Variants in KIR2DL1 observed in about 807,000 individuals in gnomAD.
KIR2DL1 encodes the protein killer cell immunoglobulin like receptor, two Ig domains and long cytoplasmic tail 1.
Under a neutral mutation model 33.9 loss-of-function variants are expected in KIR2DL1, and 38 were observed. That is an observed-to-expected ratio of 1.12 (90% CI 0.86 to 1.47). KIR2DL1 has a LOEUF of 1.47. KIR2DL1 is among the 40% of genes most tolerant of loss of function. The pLI is 0.00. For missense variants in KIR2DL1, 531 were observed against 433.9 expected (o/e 1.22, Z -1.99); for synonymous variants, 179 against 165.9 (o/e 1.08, Z -0.61).
rs535824720 is a variant in KIR2DL1 at position 54,772,168 on chromosome 19, G to T, written c.71-1165G>T. ...GTTGTTGATGAGTTGACCTTGAGATGGGGAGACAGCCTGGACTGTCCTGAT... is the reference window on the plus strand; with the variant it reads ...GTTGTTGATGAGTTGACCTTGAGATTGGGAGACAGCCTGGACTGTCCTGAT... On this transcript the variant is annotated intron_variant, in intron 2 of 7. Coordinates refer to ENST00000336077, the MANE Select transcript of KIR2DL1 (RefSeq NM_014218.3). 3.5e-4 allele frequency among the ~76,000 whole-genome samples: 49 copies of T among 141,106 alleles called. 3 individuals carry two copies. Among genetic ancestry groups the T allele is most frequent in the African/African-American group, 1.1e-3 (41 of 38,518 alleles). 92.6% of individuals were successfully genotyped at this position (141,106 alleles called of 152,430 possible).
intron 4 of KIR2DL1, 124 bp from the exon 5 acceptor site, chr19:54,778,488 C>A: frequency 2.0e-6 from 2 of 983,976 alleles, no homozygotes; most frequent in Non-Finnish European, 3.0e-6. Context: ...AAAAAAGGAT[C>A]CCAGGACTCC....
chr19:54,783,444 A>C, intron 6 of KIR2DL1, 42 bp from the exon 7 acceptor site: 1 of 1,601,176 alleles, frequency 6.2e-7, no homozygotes, highest in South Asian at 1.1e-5. Context: ...GAGGACCCAG[A>C]AGTGCCCTCC....
In KIR2DL1 at chr19:54,773,574, T is replaced by C; in HGVS notation, c.312T>C (p.Val104=). The C allele has an allele frequency of 1.3e-6, 2 of 1,581,198 alleles. No homozygotes were observed. The highest frequency in any genetic ancestry group is 2.2e-5 in the South Asian group (2 of 90,192). Residue 104 remains valine (V), a synonymous_variant, in exon 3 of 8, where the codon GTT becomes GTC. Transcript: ENST00000336077. The part of the protein sequence containing the change: ...LAGTYRCYGS[V]THSPYQVSAP... ...GGACCTACAGATGCTACGGTTCTGT[T>C]ACTCACTCCCCCTATCAGGTGTCAG...
chr19:54,773,283 A>G (rs1427233686), intron 2 of KIR2DL1, 50 bp from the exon 3 acceptor site: 2 of 1,528,280 alleles, frequency 1.3e-6, no homozygotes, highest in East Asian at 2.3e-5. Flanking sequence ...GGTGCCATGG[A>G]TGGGATGATA....
intron 5 of KIR2DL1, among the ~76,000 whole-genome samples, chr19:54,779,872 G>A (rs1292152847): frequency 7.3e-6 from 1 of 136,464 alleles, no homozygotes; most frequent in African/African-American, 2.8e-5. Context: ...CCATTGGGAA[G>A]CATCTGTGCA....
chr19:54,778,346 T>G (rs1270004501), intron 4 of KIR2DL1, among the ~76,000 whole-genome samples: 1 of 149,422 alleles, frequency 6.7e-6, no homozygotes, highest in Admixed American at 6.8e-5. Context: ...GTGCCTTTCT[T>G]TATGCCAATG....
intron 5 of KIR2DL1, among the ~76,000 whole-genome samples, chr19:54,781,586 C>T (rs1339996730): frequency 2.6e-5 from 4 of 151,296 alleles, no homozygotes; most frequent in Non-Finnish European, 5.9e-5. Flanking sequence ...CTCCTGCTCC[C>T]CTTTCCTACT....
Position 54,775,205 on chromosome 19 carries a change from C to T in KIR2DL1, c.411C>T (p.Pro137=), listed in dbSNP as rs1206109674. 2.5e-6 allele frequency: 4 copies of T among 1,597,654 alleles called. No homozygotes were observed. The Admixed American group carries it at 5.1e-5, about 20-fold the overall frequency. The change falls in exon 4 of 8, where the codon CCC becomes CCT. Residue 137 remains proline, a synonymous_variant. Coordinates refer to ENST00000336077, the MANE Select transcript of KIR2DL1 (RefSeq NM_014218.3). ...EKPSLSAQLG[P]TVLAGENVTL... ...CTTCTCTCTCAGCCCAGCTGGGCCCCACGGTTCTGGCAGGAGAGAATGTGA... is the reference window on the plus strand; with the variant it reads ...CTTCTCTCTCAGCCCAGCTGGGCCCTACGGTTCTGGCAGGAGAGAATGTGA...
chr19:54,776,436 G>A (rs1375636035), intron 4 of KIR2DL1, among the ~76,000 whole-genome samples: 1 of 145,908 alleles, frequency 6.9e-6, no homozygotes, highest in Non-Finnish European at 1.5e-5. Flanking sequence ...CTATGGATGA[G>A]TAGTCTCCAC....
intron 4 of KIR2DL1, among the ~76,000 whole-genome samples, chr19:54,776,634 CT>C (rs113294942): frequency 0.16 from 19,007 of 119,760 alleles, 179 homozygotes; most frequent in South Asian, 0.24. Context: ...TGAAAGTTCT[CT>C]TTTTTTTTTT....
At chr19:54,782,408 C>G (rs377276095) in intron 5 of KIR2DL1, among the ~76,000 whole-genome samples, 1 of 141,856 alleles carries the variant, frequency 7.0e-6, no homozygotes, top group African/African-American at 2.5e-5. Context: ...ATCTATTTCT[C>G]GTGACGGCCT....
rs1262595276 is a variant in KIR2DL1 at position 54,778,549 on chromosome 19, A to C, written c.665-63A>C. The stretch of plus-strand genomic sequence containing the variant: ...TGTTGGCCATGAACCATCCTCAAAG[A>C]TTTCCACTGAGTGGAGGACAGACAC... On this transcript the variant is annotated intron_variant, in intron 4 of 7. Coordinates refer to ENST00000336077, the MANE Select transcript of KIR2DL1 (RefSeq NM_014218.3). The C allele has an allele frequency of 4.2e-6, 6 of 1,431,466 alleles. 1 individual carries two copies. The Admixed American group carries it at 5.3e-5, about 13-fold the overall frequency. 88.7% of individuals were successfully genotyped at this position (1,431,466 alleles called of 1,614,324 possible).
Position 54,783,719 on chromosome 19 carries a change from C to T in KIR2DL1, c.953C>T (p.Pro318Leu), listed in dbSNP as rs1451733782. The change falls in exon 8 of 8, where the codon CCT becomes CTT. Residue 318 changes from proline to leucine, a missense_variant. Transcript: ENST00000336077. ...TTCACACAGAGAAAAATCACTCGCC[C>T]TTCTCAGAGGCCCAAGACACCCCCA... is the stretch of plus-strand genomic sequence containing the variant. ...CVFTQRKITR[P>L]SQRPKTPPTD... 1 of 1,613,910 alleles carries T rather than the reference C, an allele frequency of 6.2e-7. No homozygotes were observed. The highest frequency in any genetic ancestry group is 2.2e-5 in the East Asian group (1 of 44,892).
chr19:54,769,910 A>C, intron 1 of KIR2DL1, 26 bp downstream of exon 1: 1 of 1,557,350 alleles, frequency 6.4e-7, no homozygotes, highest in Non-Finnish European at 8.8e-7. Context: ...CAATAGAGGG[A>C]GGGAGTGAGG....
In KIR2DL1 at chr19:54,783,982, A is replaced by T; in HGVS notation, c.*169A>T. On this transcript the variant is annotated 3_prime_UTR_variant, in exon 8 of 8. Coordinates refer to ENST00000336077, the MANE Select transcript of KIR2DL1 (RefSeq NM_014218.3). ...ATCTGAATGTGCCTCTCTCTTGCTT[A>T]CAAATGTCTAAGGTCCCCACTGCCT... 1 of 1,067,842 alleles carries T rather than the reference A, an allele frequency of 9.4e-7. No homozygotes were observed. The highest frequency in any genetic ancestry group is 2.4e-5 in the East Asian group (1 of 42,370). 66.1% of individuals were successfully genotyped at this position (1,067,842 alleles called of 1,614,324 possible). A position where few individuals can be genotyped will look rare whatever the true frequency, so the allele number is the denominator to read the frequency against.
Position 54,773,393 on chromosome 19 carries a change from C to G in KIR2DL1, c.131C>G (p.Thr44Arg), listed in dbSNP as rs776192485. The change falls in exon 3 of 8, where the codon ACA becomes AGA. Residue 44 changes from threonine (T) to arginine (R), a missense_variant. Transcript: ENST00000336077. ...GGTCGCCTGGTGAAATCAGAAGAGA[C>G]AGTCATCCTGCAGTGTTGGTCAGAT... ...HPGRLVKSEE[T>R]VILQCWSDVM... 115 of 1,597,126 alleles carry G rather than the reference C, an allele frequency of 7.2e-5. 1 individual carries two copies. In the Admixed American group the frequency reaches 1.9e-3, roughly 27 times the overall value.
intron 3 of KIR2DL1, among the ~76,000 whole-genome samples, chr19:54,774,827 AATAG>A (rs1347343571): frequency 6.7e-6 from 1 of 148,750 alleles, no homozygotes; most frequent in Non-Finnish European, 1.5e-5. Context: ...ATCGATAGAT[AATAG>A]ATAGAAATAT....
chr19:54,773,504 C>G lies in KIR2DL1; in HGVS notation c.242C>G (p.Ser81Cys). Residue 81 changes from serine (S) to cysteine (C), a missense_variant, in exon 3 of 8, where the codon TCC becomes TGC. Ser to Cys is a moderately radical substitution (Grantham distance 112). Coordinates refer to ENST00000336077, the MANE Select transcript of KIR2DL1 (RefSeq NM_014218.3). The stretch of plus-strand genomic sequence containing the variant: ...ATTGGAGAACACCATGATGGGGTCT[C>G]CAAGGCCAACTTCTCCATCAGTCGC... ...RLIGEHHDGV[S>C]KANFSISRMT... 6.3e-7 allele frequency: 1 copy of G among 1,585,290 alleles called. No individual in the cohort carries two copies. Among genetic ancestry groups the G allele is most frequent in the African/African-American group, 1.4e-5 (1 of 74,068 alleles).
chr19:54,770,741 C>A (rs1426291491), intron 1 of KIR2DL1, 108 bp from the exon 2 acceptor site: 1 of 1,459,176 alleles, frequency 6.9e-7, no homozygotes. Flanking sequence ...GTGAGTTTAC[C>A]TTCAGCCCAG....
Sources: allele counts gnomAD v4.1 joint callset (sites outside exome capture counted in the v4.1 genomes callset), GRCh38; gene constraint gnomAD v4.1.1; transcripts MANE v1.5; gene names NCBI Gene and HGNC (gene_info 2026-07-23, HGNC 2026-07-21).